The following WDR64 variants were observed in gnomAD, a reference collection of about 807,000 sequenced individuals.
WDR64 encodes WD repeat domain 64, also known as WD repeat-containing protein 64.
Under a neutral mutation model 139.3 loss-of-function variants are expected in WDR64, and 112 were observed. The ratio of observed to expected loss-of-function variants is 0.80; its 90% confidence interval spans 0.69 to 0.94. The LOEUF (loss-of-function observed/expected upper bound fraction) is 0.94, where lower values mean the gene tolerates loss of function less well. Ranked by LOEUF, WDR64 falls within the 40% of genes least tolerant of loss-of-function variation. The pLI is 0.00. For missense variants in WDR64, 1,206 were observed against 1,293.1 expected, an observed-to-expected ratio of 0.93 and a Z score of 1.03; for synonymous variants, 444 against 437.7, an observed-to-expected ratio of 1.01 and a Z score of -0.18.
At chr1:241,683,190 T>C (rs996095827) in intron 6 of WDR64, among the ~76,000 whole-genome samples, 1 of 152,160 alleles carries the variant, frequency 6.6e-6, no homozygotes, top group Non-Finnish European at 1.5e-5. Flanking sequence ...TGTTTTCTTA[T>C]AAATCCAAAA....
At chr1:241,747,151 G>A (rs1669791767) in intron 13 of WDR64, among the ~76,000 whole-genome samples, 1 of 152,202 alleles carries the variant, frequency 6.6e-6, no homozygotes, top group African/African-American at 2.4e-5. Context: ...TTACCAAATA[G>A]TGACGGCGGG....
chr1:241,759,273 A>C (rs1304426474), intron 15 of WDR64, among the ~76,000 whole-genome samples: 6 of 152,146 alleles, frequency 3.9e-5, no homozygotes, highest in African/African-American at 1.4e-4. Flanking sequence ...GTACTGTCAA[A>C]TTACTGTGCT....
rs145887323 is a variant in WDR64, at chr1:241,797,459, T to C, written c.3192+1089T>C. On this transcript the variant is annotated intron_variant, in intron 27 of 27. Coordinates refer to ENST00000437684, the MANE Select transcript of WDR64 (RefSeq NM_001367482.1). ...AGATATAGCACATGGTAATTTTTTA[T>C]AAGTCTCCTTTCCATGAAGTCAGAT... Among the ~76,000 whole-genome samples, 275 of 152,328 alleles carry C rather than the reference T, an allele frequency of 1.8e-3. 8 individuals carry two copies. In the South Asian group the frequency reaches 0.024, roughly 13 times the overall value.
intron 1 of WDR64, 50 bp downstream of exon 1, chr1:241,652,679 T>C (rs1206134610): frequency 6.5e-7 from 1 of 1,537,112 alleles, no homozygotes; most frequent in South Asian, 1.2e-5. Flanking sequence ...TGGTTAGAAC[T>C]GGAAAATGTT....
At position 241,746,761 on chromosome 1, in the gene WDR64, C is replaced by CTTTT. The variant is rs34375079; in HGVS notation, c.1594+2256_1594+2259dup. Among the ~76,000 whole-genome samples, 195 of 142,074 alleles carry CTTTT rather than the reference C, an allele frequency of 1.4e-3. 3 individuals are homozygous for CTTTT. Among genetic ancestry groups the CTTTT allele is most frequent in the African/African-American group, 4.9e-3 (187 of 38,420 alleles). The allele number at this position is 142,074 out of a possible 152,430, so 93.2% of individuals were successfully genotyped here. On this transcript the variant is annotated intron_variant, in intron 13 of 27. Coordinates refer to ENST00000437684, the MANE Select transcript of WDR64 (RefSeq NM_001367482.1). The stretch of plus-strand genomic sequence containing the variant: ...AAAGGTCACGTATTCCATTTCAGTT[C>CTTTT]TTTTTTTTTTTTTTGTGATGGAGTC...
At chr1:241,727,972 C>T (rs1253607007) in intron 10 of WDR64, among the ~76,000 whole-genome samples, 2 of 151,954 alleles carry the variant, frequency 1.3e-5, no homozygotes, top group East Asian at 3.9e-4. Flanking sequence ...AAGCTGAAGC[C>T]TGAATGATCA....
intron 8 of WDR64, among the ~76,000 whole-genome samples, chr1:241,692,583 A>G (rs1667342905): frequency 6.6e-6 from 1 of 152,240 alleles, no homozygotes; most frequent in Non-Finnish European, 1.5e-5. Context: ...GCTGTACTTC[A>G]TTAAAATTGA....
At chr1:241,758,294 T>C (rs1670288582) in intron 15 of WDR64, among the ~76,000 whole-genome samples, 2 of 149,202 alleles carry the variant, frequency 1.3e-5, no homozygotes, top group Non-Finnish European at 1.5e-5. Context: ...TCCATCAAGA[T>C]TCTCATAATG....
Position 241,787,781 on chromosome 1 carries a change from T to C in WDR64, c.2706-68T>C, listed in dbSNP as rs1343810192. 2.9e-6 allele frequency: 4 copies of C among 1,375,864 alleles called. No individual in the cohort carries two copies. The African/African-American group carries it at 5.9e-5, about 20-fold the overall frequency. 85.2% of individuals were successfully genotyped at this position (1,375,864 alleles called of 1,614,324 possible). ...CCAGCGCTAATTTACATAAACGATC[T>C]AATGAACAGAATAACTTTGACCAAA... On this transcript the variant is annotated intron_variant, in intron 23 of 27. Coordinates refer to ENST00000437684, the MANE Select transcript of WDR64 (RefSeq NM_001367482.1).
intron 27 of WDR64, 93 bp from the exon 28 acceptor site, chr1:241,801,039 T>C (rs1360152406): frequency 2.1e-6 from 2 of 933,274 alleles, no homozygotes; most frequent in East Asian, 4.9e-5. Flanking sequence ...AGGATTAAAA[T>C]CTCTATGTAA....
At chr1:241,679,004 C>T (rs915504800) in intron 5 of WDR64, among the ~76,000 whole-genome samples, 2 of 150,838 alleles carry the variant, frequency 1.3e-5, no homozygotes, top group Admixed American at 1.3e-4. Flanking sequence ...GTTGATATTA[C>T]AAATCCTAGC....
At position 241,730,057 on chromosome 1, in the gene WDR64, A is replaced by G. The variant is rs369996581; in HGVS notation, c.1194+6621A>G. Among the ~76,000 whole-genome samples, 5 of 152,320 alleles carry G rather than the reference A, an allele frequency of 3.3e-5. 1 individual carries two copies. Among genetic ancestry groups the G allele is most frequent in the African/African-American group, 9.6e-5 (4 of 41,576 alleles). ...ATTTTCTGGGGAAGACAAATATACT[A>G]TGTATTATAAAACATAAAATGTGAG... On this transcript the variant is annotated intron_variant, in intron 10 of 27. Coordinates refer to ENST00000437684, the MANE Select transcript of WDR64 (RefSeq NM_001367482.1).
intron 1 of WDR64, among the ~76,000 whole-genome samples, chr1:241,655,432 T>C (rs528821391): frequency 1.3e-5 from 2 of 152,214 alleles, no homozygotes; most frequent in Non-Finnish European, 2.9e-5. Context: ...GTTAATCATT[T>C]CTCTATACTT....
At chr1:241,689,267 A>G (rs1470402662) in intron 8 of WDR64, among the ~76,000 whole-genome samples, 1 of 151,272 alleles carries the variant, frequency 6.6e-6, no homozygotes, top group African/African-American at 2.4e-5. Flanking sequence ...AAAAATTACA[A>G]GGCATACTAA....
chr1:241,764,487 A>G (rs564428094), intron 15 of WDR64, among the ~76,000 whole-genome samples: 7 of 150,638 alleles, frequency 4.6e-5, no homozygotes, highest in Non-Finnish European at 3.0e-5. Context: ...CATCTCTACA[A>G]AAAAATTTTT....
At chr1:241,688,343 T>C (rs973663220) in intron 8 of WDR64, among the ~76,000 whole-genome samples, 5 of 152,200 alleles carry the variant, frequency 3.3e-5, no homozygotes, top group Non-Finnish European at 5.9e-5. Context: ...TCTAAACTTA[T>C]TGTGGCGACT....
intron 8 of WDR64, among the ~76,000 whole-genome samples, chr1:241,705,348 C>A (rs189625701): frequency 1.3e-5 from 2 of 151,582 alleles, no homozygotes; most frequent in East Asian, 3.9e-4. Context: ...GAGACCATCC[C>A]GGCTAACACG....
At position 241,796,772 on chromosome 1, in the gene WDR64, G is replaced by A. The variant is rs190550366; in HGVS notation, c.3192+402G>A. Among the ~76,000 whole-genome samples the A allele has an allele frequency of 1.8e-3, 270 of 152,266 alleles. 4 individuals carry two copies. Among genetic ancestry groups the A allele is most frequent in the Admixed American group, 0.017 (253 of 15,288 alleles). On this transcript the variant is annotated intron_variant, in intron 27 of 27. Coordinates refer to ENST00000437684, the MANE Select transcript of WDR64 (RefSeq NM_001367482.1). ...GCCTCCCAAAGTGTTAGGATTACAG[G>A]CATAAGCCACTGTGCCCGGCCTCAG...
intron 1 of WDR64, among the ~76,000 whole-genome samples, chr1:241,655,110 C>T (rs538486619): frequency 5.2e-4 from 79 of 152,278 alleles, no homozygotes; most frequent in Admixed American, 1.6e-3. Flanking sequence ...CTTGGCCAGG[C>T]GCGGTGGCTC....
Sources: allele counts gnomAD v4.1 joint callset (sites outside exome capture counted in the v4.1 genomes callset), GRCh38; gene constraint gnomAD v4.1.1; transcripts MANE v1.5; gene names NCBI Gene and HGNC (gene_info 2026-07-23, HGNC 2026-07-21).